The following TSHZ3 variants were observed in gnomAD, a reference collection of about 807,000 sequenced individuals.
TSHZ3 encodes teashirt homolog 3.
In TSHZ3, 10 loss-of-function variants were observed where a neutral mutation model predicts 64.5. The observed-to-expected ratio is 0.16, with a 90% confidence interval of 0.10 to 0.26. The LOEUF is 0.26. Among genes scored for constraint, TSHZ3 ranks in the 10% least tolerant of loss-of-function variants. The pLI, the probability that TSHZ3 is intolerant of heterozygous loss-of-function variation, is 1.00. For synonymous variants in TSHZ3, 608 were observed against 593.1 expected, an observed-to-expected ratio of 1.03 and a Z score of -0.36; for missense variants, 1,242 against 1,421.7, an observed-to-expected ratio of 0.87 and a Z score of 2.03.
chr19:31,287,839 G>A (rs919705230), intron 1 of TSHZ3, among the ~76,000 whole-genome samples: 1 of 152,202 alleles, frequency 6.6e-6, no homozygotes, highest in African/African-American at 2.4e-5. Flanking sequence ...TGGACCTAGG[G>A]GAGCCGCTAT....
At chr19:31,335,261 T>A (rs1348845905) in intron 1 of TSHZ3, among the ~76,000 whole-genome samples, 1 of 152,234 alleles carries the variant, frequency 6.6e-6, no homozygotes, top group African/African-American at 2.4e-5. Flanking sequence ...TGGCTGACAT[T>A]AAGCAAAGCG....
In TSHZ3 at chr19:31,339,805, A is replaced by AG. The variant is rs1292620950; in HGVS notation, c.40+9374_40+9375insC. 9.5e-3 allele frequency among the ~76,000 whole-genome samples: 1,433 copies of AG among 150,422 alleles called. 11 individuals carry two copies. Among genetic ancestry groups the AG allele is most frequent in the Non-Finnish European group, 0.014 (977 of 67,706 alleles). On this transcript the variant is annotated intron_variant, in intron 1 of 1. Coordinates refer to ENST00000240587, the MANE Select transcript of TSHZ3 (RefSeq NM_020856.4). ...TTCCCATGGCAAAAAGGAAAAAAAA[A>AG]AGGGGGGGGCGTTCTGCTGCTGATA...
intron 4 of TSHZ3, among the ~76,000 whole-genome samples, chr19:31,217,195 C>CCCCT (rs1975345566): frequency 6.6e-6 from 1 of 152,146 alleles, no homozygotes; most frequent in Non-Finnish European, 1.5e-5. Flanking sequence ...GCAGAGACAG[C>CCCCT]TAGTGGCAGA....
intron 5 of TSHZ3, among the ~76,000 whole-genome samples, chr19:31,172,295 G>A (rs1179207868): frequency 2.0e-5 from 3 of 152,170 alleles, no homozygotes; most frequent in East Asian, 3.9e-4. Context: ...AAATGGGGGC[G>A]ATAACACTGT....
intron 3 of TSHZ3, among the ~76,000 whole-genome samples, chr19:31,236,163 G>A (rs1250700153): frequency 3.3e-5 from 5 of 152,150 alleles, no homozygotes; most frequent in South Asian, 2.1e-4. Context: ...TAGGTCATGC[G>A]ACAGGTCTAT....
Position 31,277,651 on chromosome 19 carries a change from A to G in TSHZ3, c.2142T>C (p.Pro714=), listed in dbSNP as rs1358405075. 6.5e-7 allele frequency: 1 copy of G among 1,538,186 alleles called. No individual in the cohort carries two copies. Among genetic ancestry groups the G allele is most frequent in the Non-Finnish European group, 8.7e-7 (1 of 1,143,594 alleles). Residue 714 remains proline, a synonymous_variant, in exon 2 of 2, where the codon CCT becomes CCC. Transcript: ENST00000240587. The surrounding 1 kb of genome is among the most constrained non-coding windows in gnomAD (Gnocchi z 4.5). ...TCAAAGGGTTAACAAAAGGCTGTTC[A>G]GGCGGGTGGTCGGTGATGATGGCCG... ...GSTAIITDHP[P]EQPFVNPLSA... is the part of the protein sequence containing the mutation.
In TSHZ3 at chr19:31,278,794, G is replaced by T; in HGVS notation, c.999C>A (p.Ser333=). 1 of 1,614,186 alleles carries T rather than the reference G, an allele frequency of 6.2e-7. No homozygotes were observed. Among genetic ancestry groups the T allele is most frequent in the Non-Finnish European group, 8.5e-7 (1 of 1,180,036 alleles). Residue 333 remains serine (S), a synonymous_variant, in exon 2 of 2, where the codon TCC becomes TCA. Transcript: ENST00000240587. The surrounding 1 kb of genome is among the most constrained non-coding windows in gnomAD (Gnocchi z 4.7). The stretch of plus-strand genomic sequence containing the variant: ...TGGGGGTTCCACCTGTGGAATCTGG[G>T]GAGCTGGGGAGCTCCAGCTCCAGGG... ...KASLELELPS[S]PDSTGGTPKA... is the part of the protein sequence containing the mutation.
At chr19:31,313,323 A>G (rs1284366841) in intron 1 of TSHZ3, among the ~76,000 whole-genome samples, 1 of 152,242 alleles carries the variant, frequency 6.6e-6, no homozygotes, top group Non-Finnish European at 1.5e-5. Context: ...TATGCTAATA[A>G]AAATGTAAAA....
rs1555733053 is a variant in TSHZ3, at chr19:31,279,331, A to C, written c.462T>G (p.Ser154Arg). 6.2e-7 allele frequency: 1 copy of C among 1,612,474 alleles called. No homozygotes were observed. The highest frequency in any genetic ancestry group is 8.5e-7 in the Non-Finnish European group (1 of 1,179,016). The change falls in exon 2 of 2, where the codon AGT (serine) becomes AGG (arginine). Residue 154 changes from serine (S) to arginine (R), a missense_variant. By Grantham distance (110) the Ser-to-Arg change is moderately radical. Transcript: ENST00000240587. This position sits in a 1 kb window ranked among gnomAD's most constrained non-coding sequence, Gnocchi z 6.4. Reference sequence around the variant, plus strand: ...CGCTGCCACAGCTGCTGCTGCTGCTACTGCTGCTGCTGCTGCTGCCGTTGT... The same window carrying C: ...CGCTGCCACAGCTGCTGCTGCTGCTCCTGCTGCTGCTGCTGCTGCCGTTGT... Reference protein sequence around the residue: ...EKNNGSSSSSSSSSSSCGSGS... With the variant: ...EKNNGSSSSSRSSSSSCGSGS...
chr19:31,176,473 C>A lies in TSHZ3; in HGVS notation n.810-20056G>T, dbSNP rs371280611. Among the ~76,000 whole-genome samples, 49 of 152,266 alleles carry A rather than the reference C, an allele frequency of 3.2e-4. No homozygotes were observed. The South Asian group carries it at 1.0e-2, about 31-fold the overall frequency. ...ATGAACCTATGAAAATCTGTTCAATCTCACTAATCATCAGAGAAGTGCAAA... is the reference window on the plus strand; with the variant it reads ...ATGAACCTATGAAAATCTGTTCAATATCACTAATCATCAGAGAAGTGCAAA... On this transcript the variant is annotated intron_variant and non_coding_transcript_variant, in intron 5 of 6. Coordinates refer to the TSHZ3 transcript ENST00000651361.
At chr19:31,237,218 T>A (rs1975629739) in intron 3 of TSHZ3, among the ~76,000 whole-genome samples, 1 of 152,164 alleles carries the variant, frequency 6.6e-6, no homozygotes, top group Non-Finnish European at 1.5e-5. Flanking sequence ...TGGAGACTGT[T>A]CAATTTTTTA....
intron 1 of TSHZ3, among the ~76,000 whole-genome samples, chr19:31,344,080 A>G (rs1917514350): frequency 6.6e-6 from 1 of 152,178 alleles, no homozygotes; most frequent in African/African-American, 2.4e-5. Context: ...GTCTGGATGT[A>G]CCAGTCCATA....
At chr19:31,178,635 C>T (rs1243970727) in intron 5 of TSHZ3, among the ~76,000 whole-genome samples, 10 of 152,234 alleles carry the variant, frequency 6.6e-5, no homozygotes, top group African/African-American at 1.2e-4. Context: ...GCCAAGATCG[C>T]GCCATTGCAC....
intron 4 of TSHZ3, among the ~76,000 whole-genome samples, chr19:31,215,817 G>A (rs1975318997): frequency 6.6e-6 from 1 of 152,132 alleles, no homozygotes; most frequent in Non-Finnish European, 1.5e-5. Flanking sequence ...CTTGCAGTGA[G>A]CCGAGATCGT....
intron 1 of TSHZ3, among the ~76,000 whole-genome samples, chr19:31,339,236 G>T (rs1488972666): frequency 1.3e-5 from 2 of 151,532 alleles, no homozygotes; most frequent in Non-Finnish European, 2.9e-5. Context: ...AAAAAAAAAG[G>T]CAGGGAAAAG....
chr19:31,195,917 G>A lies in TSHZ3; in HGVS notation n.809+9039C>T, dbSNP rs139596815. Among the ~76,000 whole-genome samples the A allele has an allele frequency of 4.1e-3, 617 of 152,056 alleles. 4 individuals carry two copies. The highest frequency in any genetic ancestry group is 4.1e-3 in the Non-Finnish European group (278 of 67,856). ...AGTCAGTAGGTGATTTTGTCATTGT[G>A]TGAACATCATAGTGTGTACTTATAC... On this transcript the variant is annotated intron_variant and non_coding_transcript_variant, in intron 5 of 6. Coordinates refer to the TSHZ3 transcript ENST00000651361.
intron 1 of TSHZ3, among the ~76,000 whole-genome samples, chr19:31,247,727 T>A (rs8100442): frequency 0.035 from 5,324 of 152,218 alleles, 320 homozygotes; most frequent in African/African-American, 0.12. Flanking sequence ...AATTCCTGTG[T>A]TTATGGAAGT....
intron 5 of TSHZ3, among the ~76,000 whole-genome samples, chr19:31,197,662 A>C (rs1975012237): frequency 6.6e-6 from 1 of 151,920 alleles, no homozygotes; most frequent in African/African-American, 2.4e-5. Context: ...CATAATAAAG[A>C]ATGATTATAA....
intron 5 of TSHZ3, among the ~76,000 whole-genome samples, chr19:31,192,570 C>T (rs1469714800): frequency 6.6e-6 from 1 of 152,184 alleles, no homozygotes; most frequent in Non-Finnish European, 1.5e-5. Flanking sequence ...AAATATAGCA[C>T]TTTGGCCCTT....
Sources: allele counts gnomAD v4.1 joint callset (sites outside exome capture counted in the v4.1 genomes callset), GRCh38; gene constraint gnomAD v4.1.1; non-coding constraint Gnocchi (gnomAD v3.1); transcripts MANE v1.5; gene names NCBI Gene and HGNC (gene_info 2026-07-23, HGNC 2026-07-21).